HDHD2: variants seen among roughly 807,000 people sequenced by gnomAD.
HDHD2 encodes the protein haloacid dehalogenase-like hydrolase domain-containing protein 2.
In HDHD2, 26 loss-of-function variants were observed where a neutral mutation model predicts 24.8. The ratio of observed to expected loss-of-function variants is 1.05; its 90% CI spans 0.77 to 1.45. The LOEUF is 1.45. HDHD2 is among the 40% of genes most tolerant of loss of function. The pLI, the probability that HDHD2 is intolerant of heterozygous loss-of-function variation, is 0.00. For missense variants in HDHD2, 299 were observed against 313.4 expected, an observed-to-expected ratio of 0.95 and a Z score of 0.35; for synonymous variants, 128 against 114.9, an observed-to-expected ratio of 1.11 and a Z score of -0.73.
chr18:47,114,962 A>C (rs1411024092), intron 5 of HDHD2, among the ~76,000 whole-genome samples, 170 bp downstream of exon 5: 1 of 152,188 alleles, frequency 6.6e-6, no homozygotes, highest in Non-Finnish European at 1.5e-5. Flanking sequence ...GTTCTTTAGA[A>C]GAATACCACT....
intron 4 of HDHD2, among the ~76,000 whole-genome samples, chr18:47,116,883 G>C (rs908169560): frequency 1.3e-5 from 2 of 152,164 alleles, no homozygotes; most frequent in South Asian, 4.1e-4. Flanking sequence ...TATATTAACT[G>C]GGGATAAGAC....
chr18:47,123,842 G>C (rs1313248328), intron 4 of HDHD2, among the ~76,000 whole-genome samples: 2 of 152,198 alleles, frequency 1.3e-5, no homozygotes, highest in Non-Finnish European at 2.9e-5. Flanking sequence ...CTCCCAGCAG[G>C]CTTTGTTTGT....
At chr18:47,115,437 A>G in intron 4 of HDHD2, 89 bp from the exon 5 acceptor site, 1 of 807,314 alleles carries the variant, frequency 1.2e-6, no homozygotes, top group Non-Finnish European at 2.0e-6. Flanking sequence ...AAGTGGCTGT[A>G]TTCACACCCA....
At chr18:47,126,621 G>C (rs2063660809) in intron 4 of HDHD2, among the ~76,000 whole-genome samples, 1 of 152,032 alleles carries the variant, frequency 6.6e-6, no homozygotes, top group African/African-American at 2.4e-5. Context: ...ATTTAAACAT[G>C]AAAGTTGTGA....
intron 4 of HDHD2, among the ~76,000 whole-genome samples, chr18:47,123,530 T>G (rs867779712): frequency 1.3e-3 from 204 of 152,244 alleles, no homozygotes; most frequent in African/African-American, 4.2e-3. Flanking sequence ...GAGGTTACAG[T>G]GAGCTGAGAG....
At chr18:47,138,017 T>A (rs1373132216) in intron 1 of HDHD2, among the ~76,000 whole-genome samples, 1 of 151,400 alleles carries the variant, frequency 6.6e-6, no homozygotes, top group East Asian at 1.9e-4. Context: ...AATACAAAAA[T>A]TAGCTGGGCA....
At chr18:47,140,738 A>G (rs1020819278) in intron 1 of HDHD2, among the ~76,000 whole-genome samples, 1 of 152,160 alleles carries the variant, frequency 6.6e-6, no homozygotes, top group Admixed American at 6.5e-5. Flanking sequence ...GCTGGTCTCC[A>G]ACTCCTAAGC....
intron 1 of HDHD2, among the ~76,000 whole-genome samples, chr18:47,136,650 T>TAA (rs555799145): frequency 0.06 from 8,953 of 147,986 alleles, 362 homozygotes; most frequent in East Asian, 0.11. Context: ...AGGTTTTTTT[T>TAA]TAAAAAAAAA....
intron 1 of HDHD2, among the ~76,000 whole-genome samples, chr18:47,141,024 T>G (rs189333041): frequency 4.6e-5 from 7 of 152,358 alleles, no homozygotes; most frequent in East Asian, 1.9e-4. Flanking sequence ...ATAGAAGTAG[T>G]GATAGCATGC....
At chr18:47,110,966 T>G in intron 6 of HDHD2, 4 of 985,252 alleles carry the variant, frequency 4.1e-6, no homozygotes, top group Non-Finnish European at 3.6e-6. Context: ...GCACTTATTA[T>G]TGAATATGAA....
Position 47,108,642 on chromosome 18 carries a change from A to C in HDHD2, c.*40T>G, listed in dbSNP as rs752701701. ...GGTAAGGGATTCATTCCAGACAATA[A>C]GAAGCTGCATTTCAAGTTGCTTCAG... is the stretch of plus-strand genomic sequence containing the variant. On this transcript the variant is annotated 3_prime_UTR_variant, in exon 7 of 7. Coordinates refer to ENST00000300605, the MANE Select transcript of HDHD2 (RefSeq NM_032124.5). 3.7e-6 allele frequency: 4 copies of C among 1,080,764 alleles called. No individual in the cohort carries two copies. The highest frequency in any genetic ancestry group is 5.6e-6 in the Non-Finnish European group (4 of 708,708). 66.9% of individuals were successfully genotyped at this position (1,080,764 alleles called of 1,614,324 possible). A position where few individuals can be genotyped will look rare whatever the true frequency, so the allele number is the denominator to read the frequency against.
chr18:47,124,720 A>C (rs1294838280), intron 4 of HDHD2, among the ~76,000 whole-genome samples: 1 of 151,242 alleles, frequency 6.6e-6, no homozygotes, highest in East Asian at 1.9e-4. Flanking sequence ...AAAAAAAAAA[A>C]AAAAAAAACA....
At chr18:47,120,531 A>T (rs1473120814) in intron 4 of HDHD2, among the ~76,000 whole-genome samples, 2 of 152,202 alleles carry the variant, frequency 1.3e-5, no homozygotes, top group Non-Finnish European at 2.9e-5. Flanking sequence ...GTTTCTCCGT[A>T]TTAGTGATAA....
At chr18:47,111,130 T>C (rs748402178) in intron 6 of HDHD2, 100 of 985,230 alleles carry the variant, frequency 1.0e-4, no homozygotes, top group Non-Finnish European at 1.2e-4. Flanking sequence ...GGTACAAATA[T>C]GCCTGCTTCC....
rs115460350 is a variant in HDHD2 at position 47,148,365 on chromosome 18, A to T, written c.-11+2013T>A. 5.2e-3 allele frequency among the ~76,000 whole-genome samples: 796 copies of T among 152,084 alleles called. 2 individuals are homozygous for T. Among genetic ancestry groups the T allele is most frequent in the African/African-American group, 0.018 (756 of 41,504 alleles). ...AATGTAATTGTAAAATACTAATATAACCCTCAAAATAACTATAAAGGCTTC... is the reference window on the plus strand; with the variant it reads ...AATGTAATTGTAAAATACTAATATATCCCTCAAAATAACTATAAAGGCTTC... On this transcript the variant is annotated intron_variant, in intron 1 of 6. Transcript: ENST00000300605.
chr18:47,144,633 C>T (rs554460003), intron 1 of HDHD2, among the ~76,000 whole-genome samples: 48 of 151,812 alleles, frequency 3.2e-4, no homozygotes, highest in African/African-American at 1.0e-3. Context: ...GCAAAGAAAT[C>T]CCATAAATAA....
chr18:47,118,877 A>C (rs2063579210), intron 4 of HDHD2, among the ~76,000 whole-genome samples: 1 of 151,412 alleles, frequency 6.6e-6, no homozygotes. Context: ...TGGAACCTGA[A>C]AACCAATCTG....
chr18:47,141,723 G>T (rs1433867415), intron 1 of HDHD2, among the ~76,000 whole-genome samples: 1 of 152,132 alleles, frequency 6.6e-6, no homozygotes, highest in Non-Finnish European at 1.5e-5. Context: ...CCATCCTTTT[G>T]TTTTTTGAGC....
intron 5 of HDHD2, 41 bp from the exon 6 acceptor site, chr18:47,113,081 G>A: frequency 6.4e-7 from 1 of 1,552,550 alleles, no homozygotes; most frequent in African/African-American, 1.4e-5. Flanking sequence ...AGTGTCTTCA[G>A]TAAGCTAGCC....
Sources: gnomAD v4.1 joint callset for allele counts (sites outside exome capture counted in the v4.1 genomes callset) on GRCh38, gnomAD v4.1.1 for gene constraint, MANE v1.5 for transcripts, NCBI Gene and HGNC (gene_info 2026-07-23, HGNC 2026-07-21) for gene names.